KCNMA1: variants seen among roughly 807,000 people sequenced by gnomAD.
The protein encoded by KCNMA1 is Calcium-activated potassium channel subunit alpha-1.
In KCNMA1, 29 loss-of-function variants were observed where a neutral mutation model predicts 140.0. That is an observed-to-expected ratio of 0.21 (90% confidence interval 0.15 to 0.28). KCNMA1 has a LOEUF of 0.28. KCNMA1 is among the 10% of genes least tolerant of loss of function. The pLI is 1.00. For synonymous variants in KCNMA1, 612 were observed against 611.9 expected (o/e 1.00, Z 0.00); for missense variants, 880 against 1,602.2 (o/e 0.55, Z 7.70).
In KCNMA1 at chr10:77,163,537, T is replaced by C. The variant is rs189939769; in HGVS notation, c.808+19884A>G. ...TATCTCCCATGCGTGCAGTGCTCTGTCCCATTCTGGGGATAAAACAGAGAG... is the reference window on the plus strand; with the variant it reads ...TATCTCCCATGCGTGCAGTGCTCTGCCCCATTCTGGGGATAAAACAGAGAG... On this transcript the variant is annotated intron_variant, in intron 5 of 27. Transcript: ENST00000286628. 1.1e-4 allele frequency among the ~76,000 whole-genome samples: 16 copies of C among 152,314 alleles called. No homozygotes were observed. The East Asian group carries it at 2.7e-3, about 26-fold the overall frequency.
intron 10 of KCNMA1, among the ~76,000 whole-genome samples, chr10:77,088,534 A>G (rs1328776297): frequency 1.3e-5 from 2 of 152,096 alleles, no homozygotes; most frequent in African/African-American, 4.8e-5. Context: ...GGATCAAGTC[A>G]TCCTCCCACC....
chr10:77,444,026 TTTA>T (rs1156770030), intron 1 of KCNMA1, among the ~76,000 whole-genome samples: 1 of 152,232 alleles, frequency 6.6e-6, no homozygotes, highest in African/African-American at 2.4e-5. Context: ...CATATGTACA[TTTA>T]TTATTTATCA....
intron 2 of KCNMA1, among the ~76,000 whole-genome samples, chr10:77,378,931 A>C (rs2095284708): frequency 1.3e-5 from 2 of 152,214 alleles, no homozygotes; most frequent in Non-Finnish European, 2.9e-5. Flanking sequence ...CCTCTGATTC[A>C]AATTAAAATC....
chr10:77,407,147 C>T (rs1252635843), intron 1 of KCNMA1, among the ~76,000 whole-genome samples: 1 of 152,210 alleles, frequency 6.6e-6, no homozygotes, highest in Non-Finnish European at 1.5e-5. Context: ...TTTGCTTACA[C>T]TAGATGTTGT....
chr10:77,401,896 C>A (rs977629390), intron 2 of KCNMA1, among the ~76,000 whole-genome samples: 1 of 152,200 alleles, frequency 6.6e-6, no homozygotes, highest in African/African-American at 2.4e-5. Context: ...CACTTATCCT[C>A]CATGCATTCC....
intron 15 of KCNMA1, among the ~76,000 whole-genome samples, chr10:77,033,356 A>G (rs1368479204): frequency 6.6e-6 from 1 of 152,112 alleles, no homozygotes; most frequent in Non-Finnish European, 1.5e-5. Flanking sequence ...CTTTTTCTCT[A>G]TGAAGCTTTG....
intron 2 of KCNMA1, among the ~76,000 whole-genome samples, chr10:77,312,153 G>A (rs1419132381): frequency 1.3e-5 from 2 of 152,228 alleles, no homozygotes; most frequent in Non-Finnish European, 2.9e-5. Context: ...TGAGGGGCAG[G>A]GAGTGGGACA....
intron 5 of KCNMA1, among the ~76,000 whole-genome samples, chr10:77,175,834 G>A (rs1362581670): frequency 1.3e-5 from 2 of 152,178 alleles, no homozygotes; most frequent in African/African-American, 4.8e-5. Flanking sequence ...AGGGAAAGGG[G>A]AGGCAGGAGG....
chr10:77,132,651 C>G (rs532515576), intron 5 of KCNMA1, among the ~76,000 whole-genome samples: 2 of 151,960 alleles, frequency 1.3e-5, no homozygotes, highest in African/African-American at 4.8e-5. Flanking sequence ...GACCTAAATC[C>G]AAGCATATTG....
chr10:77,590,873 G>A (rs1474237843), intron 1 of KCNMA1, among the ~76,000 whole-genome samples: 1 of 152,224 alleles, frequency 6.6e-6, no homozygotes, highest in African/African-American at 2.4e-5. Flanking sequence ...ACTCTAGCGA[G>A]ACTCAAATGT....
intron 2 of KCNMA1, among the ~76,000 whole-genome samples, chr10:77,395,621 A>G (rs1329497971): frequency 2.0e-5 from 3 of 152,208 alleles, no homozygotes; most frequent in Admixed American, 1.3e-4. Context: ...TGCATTGGCA[A>G]TCTCGAGGAG....
At chr10:77,510,734 G>A (rs1028927853) in intron 1 of KCNMA1, among the ~76,000 whole-genome samples, 2 of 152,062 alleles carry the variant, frequency 1.3e-5, no homozygotes, top group African/African-American at 4.8e-5. Flanking sequence ...GGAATTCAAG[G>A]CTGCAGCGAG....
At chr10:77,401,446 C>T (rs144868853) in intron 2 of KCNMA1, among the ~76,000 whole-genome samples, 82 of 152,324 alleles carry the variant, frequency 5.4e-4, no homozygotes, top group Middle Eastern at 3.4e-3. Context: ...TAAGCCACCA[C>T]GCCTGGCCCC....
rs149941083 is a variant in KCNMA1 at position 77,239,268 on chromosome 10, T to A, written c.602+11927A>T. 2.4e-3 allele frequency among the ~76,000 whole-genome samples: 371 copies of A among 152,352 alleles called. 3 individuals carry two copies. Among genetic ancestry groups the A allele is most frequent in the African/African-American group, 8.5e-3 (354 of 41,584 alleles). On this transcript the variant is annotated intron_variant, in intron 3 of 27. Coordinates refer to ENST00000286628, the MANE Select transcript of KCNMA1 (RefSeq NM_001161352.2). ...TGCTAGGTACAGTCATCTAATAGCA[T>A]CCACGTTATTTTCACCTTCTCTGCA...
intron 1 of KCNMA1, among the ~76,000 whole-genome samples, chr10:77,419,842 A>C (rs953820561): frequency 1.3e-5 from 2 of 152,216 alleles, no homozygotes; most frequent in African/African-American, 4.8e-5. Flanking sequence ...TGAGAACCAG[A>C]AAACTTCAGT....
chr10:77,184,642 G>A (rs993266108), intron 4 of KCNMA1, among the ~76,000 whole-genome samples, 181 bp downstream of exon 4: 1 of 152,194 alleles, frequency 6.6e-6, no homozygotes, highest in Non-Finnish European at 1.5e-5. Context: ...CAAAACTGAT[G>A]TGAATTCCAG....
chr10:76,949,432 A>G, intron 21 of KCNMA1, 66 bp from the exon 22 acceptor site: 1 of 1,289,002 alleles, frequency 7.8e-7, no homozygotes, highest in Non-Finnish European at 1.1e-6. Flanking sequence ...AAGGAGTGAA[A>G]TAAATCATTT....
At chr10:76,880,514 A>C (rs1271167269), downstream of KCNMA1, among the ~76,000 whole-genome samples, 2 of 152,220 alleles carry the variant, frequency 1.3e-5, no homozygotes, top group South Asian at 2.1e-4. Context: ...AGGAAACGGA[A>C]CTGTATGAAT....
At chr10:77,305,767 C>G (rs1278815999) in intron 2 of KCNMA1, among the ~76,000 whole-genome samples, 4 of 152,180 alleles carry the variant, frequency 2.6e-5, no homozygotes, top group Admixed American at 2.6e-4. Context: ...GACCTAGAAC[C>G]ACGTGTCTGA....
Sources: gnomAD v4.1 joint callset for allele counts (sites outside exome capture counted in the v4.1 genomes callset) on GRCh38, gnomAD v4.1.1 for gene constraint, MANE v1.5 for transcripts, NCBI Gene and HGNC (gene_info 2026-07-23, HGNC 2026-07-21) for gene names.